The following MAPK10 variants were observed in gnomAD, a reference collection of about 807,000 sequenced individuals.
MAPK10 encodes mitogen-activated protein kinase 10.
A neutral mutation model predicts 59.3 loss-of-function variants in MAPK10; 25 were observed. The ratio of observed to expected loss-of-function variants is 0.42; its 90% CI spans 0.31 to 0.59. The LOEUF (loss-of-function observed/expected upper bound fraction) is 0.59. Among genes scored for constraint, MAPK10 ranks in the 20% least tolerant of loss-of-function variants. MAPK10 has a pLI of 0.15. For missense variants in MAPK10, 351 were observed against 568.9 expected (o/e 0.62, Z 3.90); for synonymous variants, 190 against 200.5 (o/e 0.95, Z 0.44).
chr4:86,295,934 G>A (rs2095351177), intron 2 of MAPK10, among the ~76,000 whole-genome samples: 1 of 151,346 alleles, frequency 6.6e-6, no homozygotes, highest in Non-Finnish European at 1.5e-5. Context: ...CCAGCACTTT[G>A]GGAGGCCAAA....
intron 1 of MAPK10, among the ~76,000 whole-genome samples, chr4:86,519,931 T>C (rs369473247): frequency 1.6e-3 from 241 of 152,314 alleles, no homozygotes; most frequent in Middle Eastern, 6.8e-3. Flanking sequence ...TTAAGGAGGC[T>C]AAAGATAGGA....
intron 4 of MAPK10, among the ~76,000 whole-genome samples, chr4:86,118,334 T>C (rs761797847): frequency 6.6e-6 from 1 of 152,208 alleles, no homozygotes; most frequent in Non-Finnish European, 1.5e-5. Context: ...TTCTTTCTGC[T>C]ATCTTTATGC....
chr4:86,272,782 G>T (rs184772246), intron 2 of MAPK10, among the ~76,000 whole-genome samples: 16 of 152,138 alleles, frequency 1.1e-4, no homozygotes, highest in African/African-American at 3.9e-4. Flanking sequence ...CAGGAGATTT[G>T]CTGGTAGCCC....
chr4:86,180,811 G>T (rs1309867859), intron 3 of MAPK10, among the ~76,000 whole-genome samples: 1 of 151,938 alleles, frequency 6.6e-6, no homozygotes, highest in African/African-American at 2.4e-5. Flanking sequence ...TGATCTCATA[G>T]AAATAAAAAG....
At chr4:86,567,929 A>T (rs971535834) in intron 1 of MAPK10, among the ~76,000 whole-genome samples, 1 of 152,180 alleles carries the variant, frequency 6.6e-6, no homozygotes, top group African/African-American at 2.4e-5. Flanking sequence ...AAATGAGAAG[A>T]CAGGAAGTTC....
At chr4:86,368,207 C>A (rs1429879462) in intron 1 of MAPK10, among the ~76,000 whole-genome samples, 1 of 152,018 alleles carries the variant, frequency 6.6e-6, no homozygotes, top group Non-Finnish European at 1.5e-5. Flanking sequence ...AACTAATAGA[C>A]TTTATTTGTA....
chr4:86,274,719 G>A (rs2094525691), intron 2 of MAPK10, among the ~76,000 whole-genome samples: 1 of 151,900 alleles, frequency 6.6e-6, no homozygotes, highest in African/African-American at 2.4e-5. Flanking sequence ...GAGGAACAGA[G>A]GAAAACCTGT....
chr4:86,212,187 C>T (rs1314905922), intron 2 of MAPK10, among the ~76,000 whole-genome samples: 1 of 151,974 alleles, frequency 6.6e-6, no homozygotes, highest in Non-Finnish European at 1.5e-5. Context: ...CAACTATATG[C>T]TATCTATGAG....
At chr4:86,148,982 G>A (rs1187329669) in intron 4 of MAPK10, among the ~76,000 whole-genome samples, 1 of 152,186 alleles carries the variant, frequency 6.6e-6, no homozygotes, top group East Asian at 1.9e-4. Flanking sequence ...CATAGAGGTA[G>A]GAGGGCACCA....
At chr4:86,337,801 G>C (rs1055995966) in intron 2 of MAPK10, among the ~76,000 whole-genome samples, 12 of 152,100 alleles carry the variant, frequency 7.9e-5, no homozygotes, top group Non-Finnish European at 4.4e-5. Context: ...AGCACTCAAG[G>C]CTCCATTGAT....
intron 3 of MAPK10, among the ~76,000 whole-genome samples, chr4:86,190,591 A>C (rs1012002348): frequency 1.3e-5 from 2 of 152,004 alleles, no homozygotes; most frequent in Non-Finnish European, 2.9e-5. Flanking sequence ...CAGTGGTGAT[A>C]TCCCCTTCTT....
At chr4:86,379,953 C>T (rs116770921) in intron 1 of MAPK10, among the ~76,000 whole-genome samples, 7,388 of 152,142 alleles carry the variant, frequency 0.049, 229 homozygotes, top group Non-Finnish European at 0.077. Context: ...ACCTGGTTTT[C>T]GGCAGGGCGC....
intron 4 of MAPK10, among the ~76,000 whole-genome samples, chr4:86,137,268 G>A (rs1281474796): frequency 1.3e-5 from 2 of 151,772 alleles, no homozygotes; most frequent in Admixed American, 6.6e-5. Flanking sequence ...CTCCAAAATT[G>A]ACCATATACT....
chr4:86,451,586 G>A (rs1319389798), intron 1 of MAPK10, among the ~76,000 whole-genome samples: 2 of 152,246 alleles, frequency 1.3e-5, no homozygotes, highest in Non-Finnish European at 2.9e-5. Flanking sequence ...AGGAGTGGGA[G>A]TGGTACGGTG....
intron 1 of MAPK10, among the ~76,000 whole-genome samples, chr4:86,510,540 T>C (rs1476079406): frequency 6.6e-6 from 1 of 151,996 alleles, no homozygotes; most frequent in African/African-American, 2.4e-5. Flanking sequence ...TGTATATAAA[T>C]ACACATGAAT....
chr4:86,059,151 G>T (rs2045223887), intron 11 of MAPK10, among the ~76,000 whole-genome samples: 1 of 152,106 alleles, frequency 6.6e-6, no homozygotes, highest in Admixed American at 6.5e-5. Flanking sequence ...CCACATGATT[G>T]GTCATCCCTT....
intron 1 of MAPK10, among the ~76,000 whole-genome samples, chr4:86,406,842 C>T (rs1405574657): frequency 2.0e-5 from 3 of 152,174 alleles, no homozygotes; most frequent in Admixed American, 6.5e-5. Flanking sequence ...CCAGTGGTGG[C>T]AGGCTGGGCA....
intron 2 of MAPK10, among the ~76,000 whole-genome samples, chr4:86,341,705 G>C (rs1478036375): frequency 6.6e-6 from 1 of 151,372 alleles, no homozygotes; most frequent in African/African-American, 2.4e-5. Flanking sequence ...GATCAATTAT[G>C]TTATCACAAA....
intron 4 of MAPK10, among the ~76,000 whole-genome samples, chr4:86,141,399 T>A (rs988893244): frequency 2.0e-5 from 3 of 152,204 alleles, no homozygotes; most frequent in African/African-American, 7.2e-5. Context: ...TGTCATGAAG[T>A]CCACATCTTT....
Sources: gnomAD v4.1 joint callset for allele counts (sites outside exome capture counted in the v4.1 genomes callset) on GRCh38, gnomAD v4.1.1 for gene constraint, MANE v1.5 for transcripts, NCBI Gene and HGNC (gene_info 2026-07-23, HGNC 2026-07-21) for gene names.